Variants in GYPB observed in about 807,000 individuals in gnomAD.
GYPB encodes glycophorin B (MNS blood group), also known as glycophorin-B.
A neutral mutation model predicts 15.3 loss-of-function variants in GYPB; 13 were observed. The observed-to-expected ratio is 0.85, with a 90% CI of 0.55 to 1.35. The LOEUF is 1.35. GYPB is among the 40% of genes most tolerant of loss of function. GYPB has a pLI of 0.00. For synonymous variants in GYPB, 38 were observed against 36.9 expected (o/e 1.03, Z -0.11); for missense variants, 131 against 108.3 (o/e 1.21, Z -0.93).
chr4:144,007,475 G>A (rs1201272048), intron 1 of GYPB, among the ~76,000 whole-genome samples: 1 of 150,996 alleles, frequency 6.6e-6, no homozygotes, highest in East Asian at 1.9e-4. Context: ...TTCCCTTCAG[G>A]AAGCCTGAAC....
chr4:144,012,538 C>G (rs945089497), intron 1 of GYPB: 3 of 151,310 alleles, frequency 2.0e-5, no homozygotes, highest in Non-Finnish European at 4.4e-5. Flanking sequence ...AAGAAGAACA[C>G]AGTTTGGTGA....
chr4:143,998,426 T>C (rs1727437300), intron 3 of GYPB, among the ~76,000 whole-genome samples: 1 of 151,270 alleles, frequency 6.6e-6, no homozygotes, highest in Admixed American at 6.6e-5. Context: ...TCACAAAAAG[T>C]AAAAGTAGCA....
intron 4 of GYPB, 121 bp downstream of exon 4, chr4:143,997,418 GA>G: frequency 1.6e-6 from 1 of 641,686 alleles, no homozygotes; most frequent in Non-Finnish European, 2.8e-6. Context: ...GTGTCCAGTT[GA>G]AAAAGATGGA....
chr4:144,014,728 A>C (rs1036406283), intron 1 of GYPB, among the ~76,000 whole-genome samples: 7 of 151,470 alleles, frequency 4.6e-5, no homozygotes, highest in Admixed American at 4.6e-4. Flanking sequence ...TTTTGAATGC[A>C]TTAAATGCTA....
downstream of GYPB, chr4:143,995,989 T>C (rs191312033): frequency 2.5e-6 from 1 of 405,128 alleles, no homozygotes; most frequent in East Asian, 4.9e-5. Flanking sequence ...CCCTTCTGCA[T>C]GTTCTCCGCT....
At chr4:143,999,072 C>T (rs964233291) in intron 3 of GYPB, among the ~76,000 whole-genome samples, 3 of 150,950 alleles carry the variant, frequency 2.0e-5, no homozygotes, top group Non-Finnish European at 4.4e-5. Flanking sequence ...CCCATCCCAG[C>T]TAATTTTTGT....
intron 1 of GYPB, among the ~76,000 whole-genome samples, chr4:144,004,437 CAG>C (rs1727785443): frequency 6.6e-6 from 1 of 151,970 alleles, no homozygotes; most frequent in South Asian, 2.1e-4. Context: ...GTTTACAAAA[CAG>C]TGTCATCTTG....
chr4:143,995,295 G>A (rs930713822), downstream of GYPB, among the ~76,000 whole-genome samples: 15 of 151,478 alleles, frequency 9.9e-5, no homozygotes, highest in South Asian at 1.0e-3. Flanking sequence ...ATTCAAATGC[G>A]GATGTTGAAC....
intron 1 of GYPB, among the ~76,000 whole-genome samples, chr4:144,011,738 A>G (rs4113796): frequency 0.012 from 1,820 of 150,828 alleles, 96 homozygotes; most frequent in African/African-American, 0.042. Context: ...ACGAATCAAT[A>G]AGGACAGATT....
rs1172184419 is a variant in GYPB, at chr4:143,996,780, A to AT, written c.271-477dup. On this transcript the variant is annotated intron_variant, in intron 4 of 4. Coordinates refer to ENST00000502664, the MANE Select transcript of GYPB (RefSeq NM_002100.6). ...GAGGGAAACTCTGTCTCAAAAAAAA[A>AT]TTTAAAAAACTTTAATGATTCAAAA... Among the ~76,000 whole-genome samples, 12 of 75,058 alleles carry AT rather than the reference A, an allele frequency of 1.6e-4. 1 individual carries two copies. Among genetic ancestry groups the AT allele is most frequent in the East Asian group, 4.4e-3 (2 of 456 alleles). The allele number at this position is 75,058 out of a possible 152,430, so 49.2% of individuals were successfully genotyped here.
intron 1 of GYPB, among the ~76,000 whole-genome samples, chr4:144,016,280 G>C (rs1368336664): frequency 6.6e-6 from 1 of 150,438 alleles, no homozygotes; most frequent in African/African-American, 2.5e-5. Flanking sequence ...AGCACTCACT[G>C]TGTCTAACCA....
intron 1 of GYPB, among the ~76,000 whole-genome samples, chr4:144,003,071 A>G (rs1727709224): frequency 6.6e-6 from 1 of 151,536 alleles, no homozygotes; most frequent in Non-Finnish European, 1.5e-5. Flanking sequence ...GGTGATAGGG[A>G]TTTTGAAGTT....
chr4:143,999,429 G>T lies in GYPB; in HGVS notation c.157C>A (p.His53Asn). ...AACATACCTGGTACAGTGAAACGAT[G>T]GACAAGTTGTCCCGTTTCTCCTATA... ...QTNGETGQLV[H>N]RFTVPAPVVI... The change falls in exon 3 of 5, where the codon CAT becomes AAT. Residue 53 changes from histidine (H) to asparagine (N), a missense_variant. By Grantham distance (68) the His-to-Asn change is moderately conservative. Coordinates refer to ENST00000502664, the MANE Select transcript of GYPB (RefSeq NM_002100.6). 1 of 1,542,696 alleles carries T rather than the reference G, an allele frequency of 6.5e-7. No homozygotes were observed. Among genetic ancestry groups the T allele is most frequent in the Non-Finnish European group, 8.9e-7 (1 of 1,120,120 alleles).
rs779224944 is a variant in GYPB, at chr4:144,019,258, T to G, written c.30A>C (p.Leu10=). 1 of 1,611,260 alleles carries G rather than the reference T, an allele frequency of 6.2e-7. No individual in the cohort carries two copies. The highest frequency in any genetic ancestry group is 1.1e-5 in the South Asian group (1 of 90,962). ...TGAAATAAAATCACTTACCTGACAA[T>G]AGTAATACAAAGATTATTTTTCCAT... MYGKIIFVL[L]LSEIVSISAL... The change falls in exon 1 of 5, where the codon CTA becomes CTC. Residue 10 remains leucine, a synonymous_variant. Transcript: ENST00000502664.
At chr4:143,996,347 G>A (rs1215002659) in intron 4 of GYPB, 43 bp from the exon 5 acceptor site, 1 of 1,550,038 alleles carries the variant, frequency 6.5e-7, no homozygotes, top group South Asian at 1.2e-5. Context: ...GCCTCTGCTT[G>A]ACCATGAGCT....
At chr4:144,019,015 T>C (rs1728648811) in intron 1 of GYPB, among the ~76,000 whole-genome samples, 1 of 151,382 alleles carries the variant, frequency 6.6e-6, no homozygotes, top group South Asian at 2.1e-4. Flanking sequence ...AGACTTAGAA[T>C]TGAAGTAAGC....
chr4:143,997,368 C>CAAAAAAAA (rs5862679), intron 4 of GYPB, 172 bp downstream of exon 4: 1 of 401,452 alleles, frequency 2.5e-6, no homozygotes, highest in Non-Finnish European at 4.6e-6. Context: ...TGGGCAAATG[C>CAAAAAAAA]AAAAAAAAAA....
chr4:143,997,976 C>G (rs1203980353), intron 3 of GYPB, among the ~76,000 whole-genome samples: 1 of 151,184 alleles, frequency 6.6e-6, no homozygotes, highest in African/African-American at 2.5e-5. Context: ...AAAAAACCCA[C>G]AAATTCTCCC....
chr4:144,017,854 CATTT>C (rs2149972387), intron 1 of GYPB, among the ~76,000 whole-genome samples: 1 of 151,394 alleles, frequency 6.6e-6, no homozygotes, highest in African/African-American at 2.5e-5. Context: ...ACATCCCTTT[CATTT>C]GTTTTCTTCA....
Sources: allele counts gnomAD v4.1 joint callset (sites outside exome capture counted in the v4.1 genomes callset), GRCh38; gene constraint gnomAD v4.1.1; transcripts MANE v1.5; gene names NCBI Gene and HGNC (gene_info 2026-07-23, HGNC 2026-07-21).